Variants in CLDN10 observed in about 807,000 individuals in gnomAD.
CLDN10 encodes claudin-10.
CLDN10 carries 15 observed loss-of-function variants against 22.9 expected under a neutral mutation model. The observed-to-expected ratio is 0.65, with a 90% CI of 0.44 to 1.01. The LOEUF (loss-of-function observed/expected upper bound fraction) is 1.01, where lower values mean the gene tolerates loss of function less well. CLDN10 is among the 50% of genes least tolerant of loss of function. The probability of loss-of-function intolerance (pLI) is 0.00; values close to 1 mark genes in which losing one functional copy is unlikely to be tolerated. For synonymous variants in CLDN10, 114 were observed against 111.4 expected, an observed-to-expected ratio of 1.02 and a Z score of -0.15; for missense variants, 247 against 287.8, an observed-to-expected ratio of 0.86 and a Z score of 1.03.
chr13:95,517,366 C>T (rs1277964910), intron 1 of CLDN10, among the ~76,000 whole-genome samples: 1 of 152,070 alleles, frequency 6.6e-6, no homozygotes, highest in Non-Finnish European at 1.5e-5. Flanking sequence ...GTAGACACCC[C>T]CCGAACCTAG....
chr13:95,553,303 C>T (rs1029132388), intron 1 of CLDN10, among the ~76,000 whole-genome samples: 6 of 152,166 alleles, frequency 3.9e-5, no homozygotes, highest in Non-Finnish European at 7.4e-5. Context: ...CCCCACCCCC[C>T]ATATCTTGGG....
intron 1 of CLDN10, among the ~76,000 whole-genome samples, chr13:95,531,883 T>G (rs7982853): frequency 0.45 from 67,671 of 151,750 alleles, 16,124 homozygotes; most frequent in East Asian, 0.58. Flanking sequence ...CGCTTACACA[T>G]GTGTTTGATT....
chr13:95,554,149 G>C (rs2043604453), intron 1 of CLDN10, among the ~76,000 whole-genome samples: 1 of 152,146 alleles, frequency 6.6e-6, no homozygotes. Flanking sequence ...GAAGGGTGGC[G>C]CCCGGGTCCG....
chr13:95,556,534 G>A (rs1566335567), intron 1 of CLDN10, among the ~76,000 whole-genome samples: 1 of 152,232 alleles, frequency 6.6e-6, no homozygotes, highest in Non-Finnish European at 1.5e-5. Flanking sequence ...GGGATGCTTT[G>A]ATGACTTTCT....
intron 1 of CLDN10, among the ~76,000 whole-genome samples, chr13:95,448,551 G>T (rs1041734548): frequency 6.6e-5 from 10 of 152,092 alleles, no homozygotes; most frequent in Non-Finnish European, 1.2e-4. Context: ...TGGACAGAAA[G>T]AGCTGGGGAT....
intron 1 of CLDN10, chr13:95,479,834 C>T (rs2042724919): frequency 6.6e-6 from 1 of 152,210 alleles, no homozygotes; most frequent in Admixed American, 6.5e-5. Flanking sequence ...TCCCACATCC[C>T]CTGCAAGAGT....
At chr13:95,435,927 A>C (rs1315948731) in intron 1 of CLDN10, among the ~76,000 whole-genome samples, 3 of 151,706 alleles carry the variant, frequency 2.0e-5, no homozygotes, top group Non-Finnish European at 4.4e-5. Flanking sequence ...AAATGCTGAG[A>C]TTATAGGCCT....
intron 3 of CLDN10, among the ~76,000 whole-genome samples, chr13:95,576,453 A>G (rs908626886): frequency 6.6e-6 from 1 of 152,238 alleles, no homozygotes; most frequent in African/African-American, 2.4e-5. Flanking sequence ...AGAAAGCTAA[A>G]CAAACATGAG....
chr13:95,528,210 T>G (rs2043305003), intron 1 of CLDN10, among the ~76,000 whole-genome samples: 1 of 152,158 alleles, frequency 6.6e-6, no homozygotes, highest in Non-Finnish European at 1.5e-5. Flanking sequence ...TGGGAGATAA[T>G]TGAATCATAG....
intron 1 of CLDN10, among the ~76,000 whole-genome samples, chr13:95,472,371 T>C (rs1217280288): frequency 6.6e-6 from 1 of 152,176 alleles, no homozygotes; most frequent in Non-Finnish European, 1.5e-5. Flanking sequence ...TCAACTCCTT[T>C]AGACCAAATT....
chr13:95,466,612 G>GA (rs897612746), intron 1 of CLDN10, among the ~76,000 whole-genome samples: 9 of 149,630 alleles, frequency 6.0e-5, no homozygotes, highest in East Asian at 3.9e-4. Context: ...GGAAGCAAAT[G>GA]AAAAAAAAAT....
At chr13:95,502,497 CTTG>C (rs2042996199) in intron 1 of CLDN10, among the ~76,000 whole-genome samples, 1 of 150,528 alleles carries the variant, frequency 6.6e-6, no homozygotes, top group Admixed American at 6.6e-5. Flanking sequence ...CATGTTTTTT[CTTG>C]TTGTTGTGTT....
At chr13:95,512,121 C>CTTTTTTTTTT (rs57359573) in intron 1 of CLDN10, among the ~76,000 whole-genome samples, 345 of 10,482 alleles carry the variant, frequency 0.033, 99 homozygotes, top group African/African-American at 0.065. Context: ...ATCGTCTCTC[C>CTTTTTTTTTT]TTTTTTTTTG....
chr13:95,467,472 A>AT (rs1029656545), intron 1 of CLDN10, among the ~76,000 whole-genome samples: 1 of 152,068 alleles, frequency 6.6e-6, no homozygotes, highest in Non-Finnish European at 1.5e-5. Flanking sequence ...CATTTGGTGA[A>AT]TATGCCTTTT....
intron 1 of CLDN10, among the ~76,000 whole-genome samples, chr13:95,441,166 T>A (rs946478372): frequency 6.6e-6 from 1 of 152,206 alleles, no homozygotes; most frequent in African/African-American, 2.4e-5. Flanking sequence ...GCAGAGGGAA[T>A]CTCTTCTCAT....
At chr13:95,435,095 G>A (rs1359364519) in intron 1 of CLDN10, among the ~76,000 whole-genome samples, 2 of 151,464 alleles carry the variant, frequency 1.3e-5, no homozygotes, top group African/African-American at 4.8e-5. Context: ...ATCTCAAAGA[G>A]GGAACATATA....
chr13:95,531,824 C>T (rs898933369), intron 1 of CLDN10, among the ~76,000 whole-genome samples: 6 of 151,882 alleles, frequency 4.0e-5, no homozygotes, highest in African/African-American at 7.3e-5. Context: ...CATAAGCCAC[C>T]GCTCCCGGCT....
intron 1 of CLDN10, among the ~76,000 whole-genome samples, chr13:95,460,749 C>T (rs2042528495): frequency 6.6e-6 from 1 of 152,170 alleles, no homozygotes; most frequent in South Asian, 2.1e-4. Flanking sequence ...AAGCAATCCT[C>T]CCACCTGAGC....
intron 1 of CLDN10, among the ~76,000 whole-genome samples, chr13:95,558,979 C>T (rs2043672263): frequency 6.6e-6 from 1 of 152,034 alleles, no homozygotes; most frequent in African/African-American, 2.4e-5. Flanking sequence ...TATGTACTCC[C>T]TAAATTCATG....
Sources: allele counts gnomAD v4.1 joint callset (sites outside exome capture counted in the v4.1 genomes callset), GRCh38; gene constraint gnomAD v4.1.1; transcripts MANE v1.5; gene names NCBI Gene and HGNC (gene_info 2026-07-23, HGNC 2026-07-21).